The following APOL3 variants were observed in gnomAD, a reference collection of about 807,000 sequenced individuals.
The protein encoded by APOL3 is TNF-inducible protein CG12-1.
Under a neutral mutation model 11.6 loss-of-function variants are expected in APOL3, and 14 were observed. The ratio of observed to expected loss-of-function variants is 1.21; its 90% CI spans 0.80 to 1.89. APOL3 has a LOEUF of 1.89. Ranked by LOEUF, APOL3 falls within the 40% of genes most tolerant of loss-of-function variation. APOL3 has a pLI of 0.00. For missense variants in APOL3, 483 were observed against 492.1 expected, an observed-to-expected ratio of 0.98 and a Z score of 0.17; for synonymous variants, 192 against 190.6, an observed-to-expected ratio of 1.01 and a Z score of -0.06.
upstream of APOL3, among the ~76,000 whole-genome samples, chr22:36,161,226 T>A (rs891995376): frequency 6.6e-6 from 1 of 152,132 alleles, no homozygotes; most frequent in Non-Finnish European, 1.5e-5. Context: ...TGAGATGGGG[T>A]CTGGCTCTGT....
chr22:36,163,803 A>G (rs2013792679), upstream of APOL3, among the ~76,000 whole-genome samples: 1 of 152,236 alleles, frequency 6.6e-6, no homozygotes, highest in African/African-American at 2.4e-5. Context: ...CTCCTATGTA[A>G]AACCACAGAG....
intron 1 of APOL3, chr22:36,156,031 C>A: frequency 7.5e-6 from 2 of 266,030 alleles, no homozygotes. Context: ...GGCTGTGGGG[C>A]CTCCTCCTTA....
intron 2 of APOL3, among the ~76,000 whole-genome samples, chr22:36,143,222 C>G (rs760238248): frequency 6.6e-6 from 1 of 152,234 alleles, no homozygotes; most frequent in Non-Finnish European, 1.5e-5. Flanking sequence ...TGGCAACACC[C>G]CATGTGTTTT....
chr22:36,161,122 T>C (rs2013672133), upstream of APOL3, among the ~76,000 whole-genome samples: 1 of 152,238 alleles, frequency 6.6e-6, no homozygotes, highest in South Asian at 2.1e-4. Flanking sequence ...CCATCAGCAT[T>C]ACCACAGTCC....
chr22:36,162,681 C>T (rs988814325), upstream of APOL3, among the ~76,000 whole-genome samples: 1 of 152,170 alleles, frequency 6.6e-6, no homozygotes, highest in Non-Finnish European at 1.5e-5. Flanking sequence ...TTTGAGCTTG[C>T]ATTTTGGAGT....
At chr22:36,140,926 G>A (rs928785726) in exon 3 of APOL3, 4 of 407,592 alleles carry the variant, frequency 9.8e-6, no homozygotes, top group South Asian at 5.2e-5. Flanking sequence ...CAATATATTC[G>A]TTAGTCTAAA....
At chr22:36,147,354 G>T (rs1006138581) in intron 1 of APOL3, among the ~76,000 whole-genome samples, 4 of 152,138 alleles carry the variant, frequency 2.6e-5, no homozygotes, top group African/African-American at 9.7e-5. Context: ...TCCTCTGCAG[G>T]CTGGTCTCAG....
chr22:36,147,430 T>A (rs1234043803), intron 1 of APOL3, among the ~76,000 whole-genome samples: 1 of 152,172 alleles, frequency 6.6e-6, no homozygotes, highest in African/African-American at 2.4e-5. Flanking sequence ...CAGATCATCT[T>A]GTTTCGGAGA....
upstream of APOL3, chr22:36,161,065 C>T (rs1348938323): frequency 1.3e-5 from 8 of 622,080 alleles, no homozygotes; most frequent in East Asian, 5.5e-5. Context: ...TACTCCCCAC[C>T]CCCAATAACA....
At chr22:36,142,124 G>A in intron 2 of APOL3, 66 bp from the exon 4 acceptor site, 3 of 1,502,106 alleles carry the variant, frequency 2.0e-6, no homozygotes, top group Non-Finnish European at 2.7e-6. Context: ...AGCTCAATAA[G>A]ATCTGTTCTA....
chr22:36,153,419 C>G (rs1280916899), intron 1 of APOL3: 3 of 455,948 alleles, frequency 6.6e-6, no homozygotes, highest in Non-Finnish European at 1.3e-5. Context: ...GCTGGGGTAA[C>G]CAAGCTGCTA....
chr22:36,153,488 A>C (rs1461927351), intron 1 of APOL3: 1 of 445,066 alleles, frequency 2.2e-6, no homozygotes, highest in Admixed American at 2.4e-5. Flanking sequence ...GCATAATCAG[A>C]GTGAACTCCT....
intron 1 of APOL3, chr22:36,153,427 C>T (rs1480715399): frequency 2.2e-6 from 1 of 456,030 alleles, no homozygotes; most frequent in African/African-American, 2.0e-5. Context: ...AACCAAGCTG[C>T]TAAGAAAAGT....
chr22:36,160,483 A>G (rs2013595866), intron 1 of APOL3, among the ~76,000 whole-genome samples, 186 bp downstream of exon 1: 1 of 152,212 alleles, frequency 6.6e-6, no homozygotes, highest in Non-Finnish European at 1.5e-5. Flanking sequence ...TTGGGGGCCC[A>G]GAGAGAGGGA....
At chr22:36,140,938 G>A (rs1346801317) in exon 3 of APOL3, 1 of 469,474 alleles carries the variant, frequency 2.1e-6, no homozygotes, top group Non-Finnish European at 3.7e-6. Context: ...TAGTCTAAAG[G>A]AAATTTCTTC....
In APOL3 at chr22:36,149,034, A is replaced by C; in HGVS notation, c.224-3435T>G. 1 of 1,368,476 alleles carries C rather than the reference A, an allele frequency of 7.3e-7. No homozygotes were observed. The highest frequency in any genetic ancestry group is 9.8e-7 in the Non-Finnish European group (1 of 1,021,978). 84.8% of individuals were successfully genotyped at this position (1,368,476 alleles called of 1,614,324 possible). A position where few individuals can be genotyped will look rare whatever the true frequency, so the allele number is the denominator to read the frequency against. ...TAGGAACCAGCCAGGGAAGAGGAAG[A>C]AGCAAGCCTACCTGAGTCCATGGTG... On this transcript the variant is annotated intron_variant, in intron 1 of 2. Coordinates refer to ENST00000349314, the Ensembl canonical transcript of APOL3.
chr22:36,152,824 G>A (rs1254068835), intron 1 of APOL3, among the ~76,000 whole-genome samples: 1 of 152,116 alleles, frequency 6.6e-6, no homozygotes, highest in Non-Finnish European at 1.5e-5. Flanking sequence ...CTAAAGAAAA[G>A]CTGGCTAGGC....
At chr22:36,151,209 T>C (rs1162910764) in intron 1 of APOL3, among the ~76,000 whole-genome samples, 1 of 152,104 alleles carries the variant, frequency 6.6e-6, no homozygotes, top group East Asian at 1.9e-4. Flanking sequence ...TGCCAAGGAG[T>C]TCTCATTTCA....
chr22:36,146,698 T>A (rs1289769490), intron 1 of APOL3, among the ~76,000 whole-genome samples: 4 of 152,166 alleles, frequency 2.6e-5, no homozygotes, highest in African/African-American at 4.8e-5. Flanking sequence ...CCCACACTGG[T>A]CAACGCTACA....
Sources: gnomAD v4.1 joint callset for allele counts (sites outside exome capture counted in the v4.1 genomes callset) on GRCh38, gnomAD v4.1.1 for gene constraint, MANE v1.5 for transcripts, NCBI Gene and HGNC (gene_info 2026-07-23, HGNC 2026-07-21) for gene names.